The following HEATR5A variants were observed in gnomAD, a reference collection of about 807,000 sequenced individuals.
HEATR5A encodes HEAT repeat containing 5A.
A neutral mutation model predicts 218.8 loss-of-function variants in HEATR5A; 178 were observed. The observed-to-expected ratio is 0.81, with a 90% CI of 0.72 to 0.92. The LOEUF is 0.92. Among genes scored for constraint, HEATR5A ranks in the 40% least tolerant of loss-of-function variants. The pLI is 0.00. For missense variants in HEATR5A, 2,420 were observed against 2,418.9 expected, an observed-to-expected ratio of 1.00 and a Z score of -0.01; for synonymous variants, 864 against 871.6, an observed-to-expected ratio of 0.99 and a Z score of 0.15.
chr14:31,297,565 G>A (rs1899228901), intron 33 of HEATR5A: 1 of 152,166 alleles, frequency 6.6e-6, no homozygotes, highest in African/African-American at 2.4e-5. Context: ...GCCTTGAGGA[G>A]ATAATACCTG....
chr14:31,379,949 C>T (rs889365101), intron 11 of HEATR5A, among the ~76,000 whole-genome samples: 1 of 151,994 alleles, frequency 6.6e-6, no homozygotes, highest in African/African-American at 2.4e-5. Flanking sequence ...CAGAGTGAGA[C>T]CCTGTCTCAA....
chr14:31,345,067 A>G lies in HEATR5A; in HGVS notation c.3058+20T>C, dbSNP rs1314455452. On this transcript the variant is annotated intron_variant, in intron 20 of 35. Coordinates refer to ENST00000543095, the MANE Select transcript of HEATR5A (RefSeq NM_015473.4). ...TGTATTATTTTTAATGTAAAACATC[A>G]CAAAAGCAGCTATGCACACCTTGTA... is the stretch of plus-strand genomic sequence containing the variant. The G allele has an allele frequency of 1.9e-6, 3 of 1,581,490 alleles. No homozygotes were observed. Among genetic ancestry groups the G allele is most frequent in the Non-Finnish European group, 2.6e-6 (3 of 1,168,044 alleles).
At chr14:31,314,304 G>A (rs1595087607) in intron 27 of HEATR5A, among the ~76,000 whole-genome samples, 2 of 151,836 alleles carry the variant, frequency 1.3e-5, no homozygotes, top group Non-Finnish European at 1.5e-5. Context: ...TGTTCCCCAA[G>A]CTGGATGGTG....
chr14:31,368,569 G>A (rs1462343754), intron 13 of HEATR5A, among the ~76,000 whole-genome samples: 1 of 152,080 alleles, frequency 6.6e-6, no homozygotes, highest in East Asian at 1.9e-4. Flanking sequence ...GTCTCACTCT[G>A]TCATCCAGGC....
Position 31,337,622 on chromosome 14 carries a change from A to G in HEATR5A, c.3229-8T>C. On this transcript the variant is annotated splice_polypyrimidine_tract_variant and splice_region_variant and intron_variant, in intron 21 of 35. Transcript: ENST00000543095. ...GGGGCTACAAAGATTCACCTGAAAA[A>G]TACCATTTGAGGAACGACAGAGCTA... 6.3e-7 allele frequency: 1 copy of G among 1,597,248 alleles called. No homozygotes were observed. The highest frequency in any genetic ancestry group is 1.7e-5 in the Admixed American group (1 of 57,700).
At chr14:31,382,830 T>G (rs2030049578) in intron 10 of HEATR5A, among the ~76,000 whole-genome samples, 1 of 150,652 alleles carries the variant, frequency 6.6e-6, no homozygotes, top group African/African-American at 2.4e-5. Context: ...GTATAAATCA[T>G]GCCATCTTTG....
chr14:31,409,408 C>T (rs951246067), intron 1 of HEATR5A, among the ~76,000 whole-genome samples: 18 of 151,430 alleles, frequency 1.2e-4, no homozygotes, highest in African/African-American at 3.1e-4. Flanking sequence ...AGTTAACAAC[C>T]GTATTATCAG....
intron 3 of HEATR5A, among the ~76,000 whole-genome samples, chr14:31,399,769 G>A (rs1208177171): frequency 6.6e-6 from 1 of 152,190 alleles, no homozygotes; most frequent in Non-Finnish European, 1.5e-5. Context: ...GGCAGAGGTT[G>A]CAGTGAGTCG....
At chr14:31,320,615 A>G (rs1900065070) in intron 25 of HEATR5A, 19 of 721,558 alleles carry the variant, frequency 2.6e-5, no homozygotes, top group South Asian at 2.1e-4. Flanking sequence ...AGAAATGAGT[A>G]ATACCCCGGT....
chr14:31,338,735 A>G (rs1483045730), intron 21 of HEATR5A, among the ~76,000 whole-genome samples: 3 of 152,188 alleles, frequency 2.0e-5, no homozygotes, highest in African/African-American at 7.2e-5. Context: ...TGTGGGAAAA[A>G]CAGGACTGAA....
rs772566903 is a variant in HEATR5A at position 31,326,194 on chromosome 14, C to T, written c.3516G>A (p.Lys1172=). 5 of 1,613,342 alleles carry T rather than the reference C, an allele frequency of 3.1e-6. No homozygotes were observed. The East Asian group carries it at 8.9e-5, about 29-fold the overall frequency. The change falls in exon 23 of 36, where the codon AAG becomes AAA. Residue 1172 remains lysine, a synonymous_variant. Transcript: ENST00000543095. ...ATGCAGCAAGTACATCTTTACAAAGCTTTAACCACAGGGAGAGTTTTTCCA... is the reference window on the plus strand; with the variant it reads ...ATGCAGCAAGTACATCTTTACAAAGTTTTAACCACAGGGAGAGTTTTTCCA... ...MAVEKLSLWL[K]LCKDVLAASA... is the part of the protein sequence containing the mutation.
rs1439491679 is a variant in HEATR5A, at chr14:31,292,215, G to T, written c.*1090C>A. 1 of 152,100 alleles carries T rather than the reference G, an allele frequency of 6.6e-6. No homozygotes were observed. Among genetic ancestry groups the T allele is most frequent in the Non-Finnish European group, 1.5e-5 (1 of 68,032 alleles). The allele number at this position is 152,100 out of a possible 1,614,324, so 9.4% of individuals were successfully genotyped here. On this transcript the variant is annotated 3_prime_UTR_variant, in exon 36 of 36. Transcript: ENST00000543095. ...TTGGCATTTATATAAACCCATAGTT[G>T]ATCTAAATACAATGTAGATATGAAC...
chr14:31,371,720 C>T, intron 13 of HEATR5A, 90 bp downstream of exon 13: 1 of 481,488 alleles, frequency 2.1e-6, no homozygotes, highest in Non-Finnish European at 3.6e-6. Context: ...TAAAATCATT[C>T]ACCAACTACA....
chr14:31,317,823 T>C (rs1425274992), intron 26 of HEATR5A, among the ~76,000 whole-genome samples: 1 of 152,204 alleles, frequency 6.6e-6, no homozygotes, highest in African/African-American at 2.4e-5. Context: ...TGTATAACAT[T>C]GCTGGTGGAA....
At chr14:31,356,675 A>T (rs1901437503) in intron 16 of HEATR5A, among the ~76,000 whole-genome samples, 1 of 152,098 alleles carries the variant, frequency 6.6e-6, no homozygotes, top group Non-Finnish European at 1.5e-5. Flanking sequence ...TTGAATATTC[A>T]TTATTATTAT....
intron 21 of HEATR5A, 147 bp from the exon 22 acceptor site, chr14:31,337,761 A>C: frequency 1.7e-6 from 1 of 593,620 alleles, no homozygotes; most frequent in Non-Finnish European, 2.9e-6. Context: ...AACTTCTTGA[A>C]ACCATTCTAG....
intron 14 of HEATR5A, among the ~76,000 whole-genome samples, chr14:31,360,837 T>TA (rs1275621681): frequency 3.3e-5 from 5 of 151,510 alleles, no homozygotes; most frequent in Non-Finnish European, 4.4e-5. Context: ...TATTGAAGCT[T>TA]ACTTTTTTTT....
chr14:31,414,961 C>T (rs887827421), intron 1 of HEATR5A, among the ~76,000 whole-genome samples: 8 of 152,282 alleles, frequency 5.3e-5, no homozygotes, highest in African/African-American at 1.9e-4. Flanking sequence ...CTGCCTCAGT[C>T]TCCTGAGTAG....
At chr14:31,326,974 A>T (rs947242565) in intron 22 of HEATR5A, among the ~76,000 whole-genome samples, 5 of 144,446 alleles carry the variant, frequency 3.5e-5, no homozygotes, top group Non-Finnish European at 6.1e-5. Context: ...TCAGTGCTTA[A>T]TTTTTTTTTT....
Sources: gnomAD v4.1 joint callset for allele counts (sites outside exome capture counted in the v4.1 genomes callset) on GRCh38, gnomAD v4.1.1 for gene constraint, MANE v1.5 for transcripts, NCBI Gene and HGNC (gene_info 2026-07-23, HGNC 2026-07-21) for gene names.